The following GRIK2 variants were observed in gnomAD, a reference collection of about 807,000 sequenced individuals.
GRIK2 encodes glutamate receptor ionotropic, kainate 2.
A neutral mutation model predicts 100.3 loss-of-function variants in GRIK2; 32 were observed. The ratio of observed to expected loss-of-function variants is 0.32; its 90% confidence interval spans 0.24 to 0.43. The LOEUF (loss-of-function observed/expected upper bound fraction) is 0.43. GRIK2 is among the 20% of genes least tolerant of loss of function. The pLI is 1.00. For missense variants in GRIK2, 843 were observed against 1,114.9 expected (o/e 0.76, Z 3.47); for synonymous variants, 417 against 389.4 (o/e 1.07, Z -0.83).
intron 7 of GRIK2, among the ~76,000 whole-genome samples, chr6:101,768,194 C>T (rs1332429599): frequency 6.6e-6 from 1 of 152,122 alleles, no homozygotes; most frequent in African/African-American, 2.4e-5. Flanking sequence ...TTTATAGAAA[C>T]ACAACATAAA....
At chr6:101,543,394 G>C (rs979513048) in intron 2 of GRIK2, among the ~76,000 whole-genome samples, 1 of 152,098 alleles carries the variant, frequency 6.6e-6, no homozygotes, top group South Asian at 2.1e-4. Context: ...ATAAGCAAAA[G>C]GTGGGCAATA....
At chr6:101,872,060 T>C (rs1257228353) in intron 11 of GRIK2, among the ~76,000 whole-genome samples, 1 of 151,920 alleles carries the variant, frequency 6.6e-6, no homozygotes, top group East Asian at 1.9e-4. Context: ...TTGTTGACTT[T>C]TTAACAATGG....
At chr6:101,933,021 G>T (rs1342282001) in intron 14 of GRIK2, among the ~76,000 whole-genome samples, 3 of 151,856 alleles carry the variant, frequency 2.0e-5, no homozygotes, top group Non-Finnish European at 4.4e-5. Context: ...TTAAAGGCAT[G>T]CCTCTCTTCA....
At chr6:101,638,765 T>C (rs1582873701) in intron 4 of GRIK2, among the ~76,000 whole-genome samples, 1 of 152,070 alleles carries the variant, frequency 6.6e-6, no homozygotes, top group Non-Finnish European at 1.5e-5. Context: ...ATAATGTCAT[T>C]TCTTTTAAAA....
chr6:102,004,648 C>T (rs554482416), intron 14 of GRIK2, among the ~76,000 whole-genome samples: 1 of 151,988 alleles, frequency 6.6e-6, no homozygotes, highest in South Asian at 2.1e-4. Context: ...ATCATATATA[C>T]CTGTTGCTCA....
In GRIK2 at chr6:102,044,003, C is replaced by A. The variant is rs139387328; in HGVS notation, c.2311+8437C>A. ...CACAAAGAGCTGTGAGGCCATTAAG[C>A]CTATTTTTCTTCACAGTCTCAGGTA... On this transcript the variant is annotated intron_variant, in intron 15 of 16. Transcript: ENST00000369134. Among the ~76,000 whole-genome samples, 1,160 of 152,042 alleles carry A rather than the reference C, an allele frequency of 7.6e-3. 8 individuals are homozygous for A. The highest frequency in any genetic ancestry group is 0.018 in the South Asian group (85 of 4,830).
At chr6:101,558,763 A>G (rs1260994504) in intron 2 of GRIK2, among the ~76,000 whole-genome samples, 1 of 151,132 alleles carries the variant, frequency 6.6e-6, no homozygotes, top group East Asian at 1.9e-4. Flanking sequence ...TTCTGTCCCA[A>G]GTGATATTGT....
chr6:101,639,324 A>G (rs961336365), intron 4 of GRIK2, among the ~76,000 whole-genome samples: 6 of 152,136 alleles, frequency 3.9e-5, no homozygotes, highest in African/African-American at 1.4e-4. Flanking sequence ...GTGAGCCACC[A>G]AGCACAGCCA....
intron 14 of GRIK2, among the ~76,000 whole-genome samples, chr6:102,015,378 G>T: frequency 6.6e-6 from 1 of 152,060 alleles, no homozygotes; most frequent in African/African-American, 2.4e-5. Context: ...ATTGGATCTT[G>T]CTTCTTTACC....
chr6:101,656,006 A>G (rs1430334193), intron 4 of GRIK2, among the ~76,000 whole-genome samples: 1 of 152,048 alleles, frequency 6.6e-6, no homozygotes, highest in African/African-American at 2.4e-5. Flanking sequence ...AAAGTGATAG[A>G]TATGATAAAT....
intron 12 of GRIK2, among the ~76,000 whole-genome samples, chr6:101,894,392 T>C (rs778969914): frequency 4.6e-5 from 7 of 151,732 alleles, no homozygotes; most frequent in Admixed American, 4.6e-4. Flanking sequence ...CTTATCTGAA[T>C]TAGCTCTGAA....
At chr6:101,526,716 G>A (rs1163024781) in intron 2 of GRIK2, among the ~76,000 whole-genome samples, 1 of 152,162 alleles carries the variant, frequency 6.6e-6, no homozygotes, top group East Asian at 1.9e-4. Context: ...AAAAAAGGAA[G>A]CTACAGGTTG....
At chr6:101,781,603 C>T (rs1583136607) in intron 7 of GRIK2, among the ~76,000 whole-genome samples, 3 of 151,718 alleles carry the variant, frequency 2.0e-5, no homozygotes, top group African/African-American at 7.2e-5. Flanking sequence ...CATACATATA[C>T]ATACATACAT....
At chr6:101,705,234 C>T (rs1773183303) in intron 7 of GRIK2, among the ~76,000 whole-genome samples, 1 of 151,240 alleles carries the variant, frequency 6.6e-6, no homozygotes, top group African/African-American at 2.4e-5. Context: ...AGAAATGTAG[C>T]CTTGTCTTGC....
intron 12 of GRIK2, among the ~76,000 whole-genome samples, chr6:101,918,167 A>G (rs1789240773): frequency 8.0e-6 from 1 of 124,494 alleles, no homozygotes; most frequent in Non-Finnish European, 1.7e-5. Context: ...ATAACACGTG[A>G]AAGTTGAGGA....
At chr6:101,630,989 C>G (rs1006962810) in intron 4 of GRIK2, among the ~76,000 whole-genome samples, 4 of 151,948 alleles carry the variant, frequency 2.6e-5, no homozygotes, top group African/African-American at 9.7e-5. Context: ...TTTGTTCCCA[C>G]CCCCAAAACA....
chr6:101,809,534 G>A lies in GRIK2; in HGVS notation c.1203+7096G>A, dbSNP rs530196385. 2.0e-5 allele frequency among the ~76,000 whole-genome samples: 3 copies of A among 152,032 alleles called. No homozygotes were observed. The East Asian group carries it at 5.8e-4, about 29-fold the overall frequency. ...TAATTATAGATTTCTAGAACCGGAT[G>A]CACGGCAGTTTTTATCTTCCTCTCT... On this transcript the variant is annotated intron_variant, in intron 9 of 16. Transcript: ENST00000369134.
At chr6:101,516,908 C>T (rs977500054) in intron 2 of GRIK2, among the ~76,000 whole-genome samples, 1 of 151,994 alleles carries the variant, frequency 6.6e-6, no homozygotes, top group Admixed American at 6.6e-5. Flanking sequence ...TGCTGAAACA[C>T]AGTCTATGTT....
chr6:101,884,681 T>A (rs1786493763), intron 11 of GRIK2, among the ~76,000 whole-genome samples: 3 of 152,156 alleles, frequency 2.0e-5, no homozygotes, highest in Non-Finnish European at 4.4e-5. Flanking sequence ...TCAATTGAAA[T>A]TATATTATTG....
Sources: gnomAD v4.1 joint callset for allele counts (sites outside exome capture counted in the v4.1 genomes callset) on GRCh38, gnomAD v4.1.1 for gene constraint, MANE v1.5 for transcripts, NCBI Gene and HGNC (gene_info 2026-07-23, HGNC 2026-07-21) for gene names.